The following SLC22A14 variants were observed in gnomAD, a reference collection of about 807,000 sequenced individuals.
SLC22A14 encodes solute carrier family 22 member 14, also known as organic cation transporter-like 4.
A neutral mutation model predicts 53.9 loss-of-function variants in SLC22A14; 50 were observed. That is an observed-to-expected ratio of 0.93 (90% CI 0.74 to 1.17). SLC22A14 has a LOEUF of 1.17. Ranked by LOEUF, SLC22A14 falls within the 50% of genes most tolerant of loss-of-function variation. The pLI, the probability that SLC22A14 is intolerant of heterozygous loss-of-function variation, is 0.00. For missense variants in SLC22A14, 671 were observed against 734.7 expected (o/e 0.91, Z 1.00); for synonymous variants, 312 against 303.0 (o/e 1.03, Z -0.31).
chr3:38,280,761 C>G (rs1465072714), upstream of SLC22A14, among the ~76,000 whole-genome samples: 2 of 152,092 alleles, frequency 1.3e-5, no homozygotes, highest in Non-Finnish European at 2.9e-5. Flanking sequence ...TCCCGAGTAA[C>G]TGGGATTACA....
At chr3:38,281,366 G>T (rs1051453866), upstream of SLC22A14, among the ~76,000 whole-genome samples, 1 of 151,890 alleles carries the variant, frequency 6.6e-6, no homozygotes, top group Non-Finnish European at 1.5e-5. Flanking sequence ...ATAACAGACT[G>T]CTTGAAACTG....
At chr3:38,285,291 G>A (rs369507071) in intron 1 of SLC22A14, among the ~76,000 whole-genome samples, 2 of 152,186 alleles carry the variant, frequency 1.3e-5, no homozygotes, top group East Asian at 1.9e-4. Flanking sequence ...AGGAGTGGAT[G>A]TTTCAGGAGA....
chr3:38,304,139 C>T (rs531990476), intron 1 of SLC22A14, among the ~76,000 whole-genome samples: 5 of 148,538 alleles, frequency 3.4e-5, no homozygotes, highest in East Asian at 4.0e-4. Flanking sequence ...TGCAGTGAGC[C>T]GAGATCACAC....
At chr3:38,311,808 A>G (rs1156330922) in intron 5 of SLC22A14, among the ~76,000 whole-genome samples, 1 of 152,172 alleles carries the variant, frequency 6.6e-6, no homozygotes, top group Non-Finnish European at 1.5e-5. Context: ...TTACGTCAAC[A>G]TTCTGTTCAT....
At chr3:38,316,641 G>A (rs539173192) in intron 10 of SLC22A14, 117 bp downstream of exon 10, 82 of 902,696 alleles carry the variant, frequency 9.1e-5, no homozygotes, top group African/African-American at 7.8e-4. Context: ...CCTGTGACTC[G>A]AAGGCTGCCA....
At chr3:38,317,018 C>T (rs762678804) in intron 10 of SLC22A14, among the ~76,000 whole-genome samples, 5 of 152,260 alleles carry the variant, frequency 3.3e-5, no homozygotes, top group Non-Finnish European at 5.9e-5. Flanking sequence ...GGGTTCCACC[C>T]AACACCTCCA....
upstream of SLC22A14, among the ~76,000 whole-genome samples, chr3:38,278,834 A>G (rs1703616460): frequency 6.6e-6 from 1 of 151,558 alleles, no homozygotes; most frequent in South Asian, 2.1e-4. Flanking sequence ...AAAAAAAAAA[A>G]AAAAAAAGAT....
At position 38,316,743 on chromosome 3, in the gene SLC22A14, C is replaced by T. The variant is rs561534923; in HGVS notation, c.1733+219C>T. ...GTTCCCATCCTGCTGCCCCTCCTGACCCGGACTGGGCCATGTCGTCTCCTT... is the reference window on the plus strand; with the variant it reads ...GTTCCCATCCTGCTGCCCCTCCTGATCCGGACTGGGCCATGTCGTCTCCTT... On this transcript the variant is annotated intron_variant, in intron 10 of 10. Transcript: ENST00000448498. 1.6e-4 allele frequency among the ~76,000 whole-genome samples: 25 copies of T among 152,374 alleles called. No individual in the cohort carries two copies. The South Asian group carries it at 1.9e-3, about 11-fold the overall frequency.
rs1273414171 is a variant in SLC22A14, at chr3:38,313,785, A to G, written c.1222A>G (p.Ser408Gly). 15 of 1,609,052 alleles carry G rather than the reference A, an allele frequency of 9.3e-6. No homozygotes were observed. The highest frequency in any genetic ancestry group is 3.3e-4 in the Middle Eastern group (2 of 6,064). The change falls in exon 8 of 11, where the codon AGC becomes GGC. Residue 408 changes from serine to glycine, a missense_variant. Coordinates refer to ENST00000448498, the MANE Select transcript of SLC22A14 (RefSeq NM_001320033.2). Reference protein sequence around the residue: ...LSLRMRELGVSVHFRHVVPSI... With the variant: ...LSLRMRELGVGVHFRHVVPSI... ...CCTGAGAATGAGAGAGCTGGGCGTGAGCGTCCACTTCAGACACGTGGTCCC... is the reference window on the plus strand; with the variant it reads ...CCTGAGAATGAGAGAGCTGGGCGTGGGCGTCCACTTCAGACACGTGGTCCC...
intron 8 of SLC22A14, 34 bp downstream of exon 8, chr3:38,313,975 A>AGGG: frequency 6.3e-7 from 1 of 1,583,456 alleles, no homozygotes; most frequent in Non-Finnish European, 8.7e-7. Context: ...GCCTGCCCAC[A>AGGG]GCCTTCCTGC....
At chr3:38,281,922 C>A (rs571070010), upstream of SLC22A14, among the ~76,000 whole-genome samples, 1 of 152,174 alleles carries the variant, frequency 6.6e-6, no homozygotes, top group African/African-American at 2.4e-5. Context: ...ATGGGTCAGA[C>A]CCCGGCAGCT....
At chr3:38,296,871 C>T (rs1469636683) in intron 1 of SLC22A14, among the ~76,000 whole-genome samples, 1 of 152,198 alleles carries the variant, frequency 6.6e-6, no homozygotes, top group Non-Finnish European at 1.5e-5. Context: ...GGATCAGGAG[C>T]ACATGAGACA....
chr3:38,317,834 G>A (rs1462493129), intron 10 of SLC22A14, among the ~76,000 whole-genome samples: 3 of 152,186 alleles, frequency 2.0e-5, no homozygotes, highest in Non-Finnish European at 2.9e-5. Context: ...TGAGAACATT[G>A]GGGCACAGAG....
chr3:38,298,005 G>A (rs993797380), intron 1 of SLC22A14, among the ~76,000 whole-genome samples: 1 of 152,034 alleles, frequency 6.6e-6, no homozygotes, highest in Non-Finnish European at 1.5e-5. Flanking sequence ...ACTTATTACT[G>A]CGGGATTCTA....
intron 1 of SLC22A14, among the ~76,000 whole-genome samples, chr3:38,295,362 A>G (rs1382655852): frequency 1.3e-5 from 2 of 152,288 alleles, no homozygotes; most frequent in Non-Finnish European, 2.9e-5. Context: ...AGGTGTGCTC[A>G]CAATGAGGTT....
chr3:38,302,999 TAA>T (rs1348853172), intron 1 of SLC22A14, among the ~76,000 whole-genome samples: 1 of 152,164 alleles, frequency 6.6e-6, no homozygotes, highest in Non-Finnish European at 1.5e-5. Flanking sequence ...TTAATTCACC[TAA>T]GTTTTTAAAT....
rs1704203190 is a variant in SLC22A14, at chr3:38,302,914, A to C, written c.1-3113A>C. Among the ~76,000 whole-genome samples, 3 of 152,122 alleles carry C rather than the reference A, an allele frequency of 2.0e-5. No individual in the cohort carries two copies. The South Asian group carries it at 6.2e-4, about 31-fold the overall frequency. On this transcript the variant is annotated intron_variant, in intron 1 of 10. Transcript: ENST00000448498. ...GGGAAGATTTTTTTACTTCTACTTT[A>C]ATTTAGTCATTATAGAACTTTTAAG...
At chr3:38,311,051 C>A (rs1158620449) in intron 5 of SLC22A14, among the ~76,000 whole-genome samples, 1 of 152,202 alleles carries the variant, frequency 6.6e-6, no homozygotes, top group African/African-American at 2.4e-5. Flanking sequence ...TGGCAGATGT[C>A]CTTTTTCAAA....
chr3:38,312,167 T>C (rs1167738959), intron 5 of SLC22A14, among the ~76,000 whole-genome samples: 3 of 152,100 alleles, frequency 2.0e-5, no homozygotes, highest in Admixed American at 1.3e-4. Flanking sequence ...CACAGTTTTA[T>C]TAAAAAGTTA....
Sources: gnomAD v4.1 joint callset for allele counts (sites outside exome capture counted in the v4.1 genomes callset) on GRCh38, gnomAD v4.1.1 for gene constraint, MANE v1.5 for transcripts, NCBI Gene and HGNC (gene_info 2026-07-23, HGNC 2026-07-21) for gene names.